Variants in ASAP1 observed in about 807,000 individuals in gnomAD.
ASAP1 encodes ArfGAP with SH3 domain, ankyrin repeat and PH domain 1, also known as arf-GAP with SH3 domain, ANK repeat and PH domain-containing protein 1.
Under a neutral mutation model 145.2 loss-of-function variants are expected in ASAP1, and 43 were observed. The observed-to-expected ratio is 0.30, with a 90% CI of 0.23 to 0.38. ASAP1 has a LOEUF of 0.38. Among genes scored for constraint, ASAP1 ranks in the 10% least tolerant of loss-of-function variants. The probability of loss-of-function intolerance (pLI) is 1.00; values close to 1 mark genes in which losing one functional copy is unlikely to be tolerated. For missense variants in ASAP1, 1,018 were observed against 1,355.3 expected (o/e 0.75, Z 3.91); for synonymous variants, 546 against 515.5 (o/e 1.06, Z -0.80).
At chr8:130,195,606 T>C (rs1274201605) in intron 5 of ASAP1, among the ~76,000 whole-genome samples, 1 of 152,186 alleles carries the variant, frequency 6.6e-6, no homozygotes, top group Non-Finnish European at 1.5e-5. Flanking sequence ...TAAATTTCTT[T>C]CCTCAAAGAA....
chr8:130,293,793 C>A (rs1336698319), intron 3 of ASAP1, among the ~76,000 whole-genome samples: 1 of 152,188 alleles, frequency 6.6e-6, no homozygotes, highest in Non-Finnish European at 1.5e-5. Context: ...CAGCACAAGG[C>A]TAGGTGCTCA....
chr8:130,317,126 A>G (rs1209781114), intron 3 of ASAP1, among the ~76,000 whole-genome samples: 3 of 152,066 alleles, frequency 2.0e-5, no homozygotes, highest in Non-Finnish European at 1.5e-5. Flanking sequence ...GTCTATAACA[A>G]AACTTTTTAG....
intron 3 of ASAP1, among the ~76,000 whole-genome samples, chr8:130,267,972 A>G (rs1820359497): frequency 6.6e-6 from 1 of 152,170 alleles, no homozygotes; most frequent in South Asian, 2.1e-4. Context: ...CAAGTTCCAT[A>G]AAGGTGGTGC....
chr8:130,407,870 CTT>C (rs1829104375), intron 1 of ASAP1, among the ~76,000 whole-genome samples: 1 of 152,190 alleles, frequency 6.6e-6, no homozygotes, highest in African/African-American at 2.4e-5. Context: ...GTTATAAACT[CTT>C]GAGTCATCTG....
rs931831407 is a variant in ASAP1 at position 130,414,647 on chromosome 8, T to C, written c.-27-12677A>G. On this transcript the variant is annotated intron_variant, in intron 1 of 29. Coordinates refer to ENST00000518721, the MANE Select transcript of ASAP1 (RefSeq NM_018482.4). ...TATTTGGCCCTCTAGCCTCAAAATA[T>C]TGCAAATGTATCAGCCAAAGTACAT... Among the ~76,000 whole-genome samples, 8 of 152,220 alleles carry C rather than the reference T, an allele frequency of 5.3e-5. No homozygotes were observed. The South Asian group carries it at 6.2e-4, about 12-fold the overall frequency.
At chr8:130,416,911 T>C (rs1197894774) in intron 1 of ASAP1, among the ~76,000 whole-genome samples, 5 of 152,186 alleles carry the variant, frequency 3.3e-5, no homozygotes, top group Non-Finnish European at 5.9e-5. Context: ...TATAAACACA[T>C]CAAATCTTGA....
Position 130,262,426 on chromosome 8 carries a change from G to A in ASAP1, c.187-25432C>T, listed in dbSNP as rs1240814163. Among the ~76,000 whole-genome samples the A allele has an allele frequency of 6.6e-3, 594 of 90,178 alleles. 6 individuals carry two copies. Among genetic ancestry groups the A allele is most frequent in the East Asian group, 8.7e-3 (22 of 2,516 alleles). 59.2% of individuals were successfully genotyped at this position (90,178 alleles called of 152,430 possible). A position where few individuals can be genotyped will look rare whatever the true frequency, so the allele number is the denominator to read the frequency against. ...AAAAAAAAAAAAAAAAAGAGAGAGA[G>A]AGAGAGAGAGAGAGAGAGAGAGAGA... On this transcript the variant is annotated intron_variant, in intron 3 of 29. Coordinates refer to ENST00000518721, the MANE Select transcript of ASAP1 (RefSeq NM_018482.4).
intron 5 of ASAP1, among the ~76,000 whole-genome samples, chr8:130,211,359 T>A (rs1369723265): frequency 6.6e-6 from 1 of 152,192 alleles, no homozygotes; most frequent in African/African-American, 2.4e-5. Flanking sequence ...TCTTTGTAGG[T>A]AGCCCTTGGG....
chr8:130,120,871 T>C (rs778062716), intron 18 of ASAP1, among the ~76,000 whole-genome samples: 1 of 152,184 alleles, frequency 6.6e-6, no homozygotes, highest in East Asian at 1.9e-4. Context: ...ACTGGAGTAA[T>C]AGGGAGAGTG....
At chr8:130,267,006 C>CT (rs1279158321) in intron 3 of ASAP1, among the ~76,000 whole-genome samples, 1 of 151,188 alleles carries the variant, frequency 6.6e-6, no homozygotes, top group Non-Finnish European at 1.5e-5. Context: ...TAATATTAAC[C>CT]TAAACCTACA....
At chr8:130,230,065 AAAACAAAC>A (rs3997633) in intron 4 of ASAP1, among the ~76,000 whole-genome samples, 85,727 of 150,086 alleles carry the variant, frequency 0.57, 24,698 homozygotes, top group East Asian at 0.67. Context: ...TCCTGTCTCC[AAAACAAAC>A]AAACAAACAA....
chr8:130,233,339 C>T (rs148045437), intron 4 of ASAP1, among the ~76,000 whole-genome samples: 2 of 152,288 alleles, frequency 1.3e-5, no homozygotes, highest in African/African-American at 4.8e-5. Context: ...TGTAGCGATT[C>T]ACTCAACCCT....
intron 3 of ASAP1, among the ~76,000 whole-genome samples, chr8:130,352,368 T>A (rs952769613): frequency 1.7e-4 from 26 of 152,146 alleles, no homozygotes; most frequent in African/African-American, 6.0e-4. Context: ...CAAGGGGAGC[T>A]GACGAACAAG....
chr8:130,351,189 G>C (rs1262641169), intron 3 of ASAP1, among the ~76,000 whole-genome samples: 1 of 152,214 alleles, frequency 6.6e-6, no homozygotes, highest in Non-Finnish European at 1.5e-5. Context: ...CACGGGTCCT[G>C]CAAGACAAAA....
chr8:130,087,712 G>T (rs1351316336), intron 25 of ASAP1, among the ~76,000 whole-genome samples: 1 of 152,108 alleles, frequency 6.6e-6, no homozygotes, highest in African/African-American at 2.4e-5. Context: ...CTCGAGTCTT[G>T]CCTACTTTAC....
intron 12 of ASAP1, among the ~76,000 whole-genome samples, chr8:130,156,276 C>T (rs11782152): frequency 0.053 from 8,121 of 152,238 alleles, 284 homozygotes; most frequent in Middle Eastern, 0.078. Context: ...ATAAGCATTT[C>T]AATTTTTTAC....
At chr8:130,249,099 C>G (rs1471754931) in intron 3 of ASAP1, among the ~76,000 whole-genome samples, 6 of 152,062 alleles carry the variant, frequency 3.9e-5, no homozygotes, top group Non-Finnish European at 7.4e-5. Context: ...TCCAAGGGCT[C>G]CTGTCTTACT....
At chr8:130,106,416 C>G (rs868348028) in intron 24 of ASAP1, among the ~76,000 whole-genome samples, 3 of 152,218 alleles carry the variant, frequency 2.0e-5, no homozygotes, top group Non-Finnish European at 4.4e-5. Context: ...CTGTCATATA[C>G]TGAGCAAGTC....
chr8:130,319,121 GAGA>G (rs774366368), intron 3 of ASAP1, among the ~76,000 whole-genome samples: 3 of 152,148 alleles, frequency 2.0e-5, no homozygotes, highest in Non-Finnish European at 4.4e-5. Flanking sequence ...TGGTTATTTG[GAGA>G]AGAAATTGCA....
Sources: allele counts gnomAD v4.1 joint callset (sites outside exome capture counted in the v4.1 genomes callset), GRCh38; gene constraint gnomAD v4.1.1; transcripts MANE v1.5; gene names NCBI Gene and HGNC (gene_info 2026-07-23, HGNC 2026-07-21).